The following KRIT1 variants were observed in gnomAD, a reference collection of about 807,000 sequenced individuals.
KRIT1 encodes the protein KRIT1 ankyrin repeat containing.
In KRIT1, 45 loss-of-function variants were observed where a neutral mutation model predicts 95.8. The ratio of observed to expected loss-of-function variants is 0.47; its 90% CI spans 0.37 to 0.60. KRIT1 has a LOEUF of 0.60. Ranked by LOEUF, KRIT1 falls within the 20% of genes least tolerant of loss-of-function variation. KRIT1 has a pLI of 0.00. For missense variants in KRIT1, 788 were observed against 877.5 expected (o/e 0.90, Z 1.29); for synonymous variants, 282 against 278.8 (o/e 1.01, Z -0.11).
chr7:92,245,515 A>G (rs1446349651), intron 1 of KRIT1: 1 of 150,008 alleles, frequency 6.7e-6, no homozygotes, highest in African/African-American at 2.5e-5. Flanking sequence ...TTCCCGAAGG[A>G]CACCGAGAGG....
In KRIT1 at chr7:92,245,068, A is replaced by C. The variant is rs962656614; in HGVS notation, c.-317T>G. ...CTGTAAAGGCACATATGCACTCCAG[A>C]AGGGTAAGAAAATAATGAGGCTGAG... On this transcript the variant is annotated 5_prime_UTR_variant, in exon 2 of 19. Transcript: ENST00000394505. The C allele has an allele frequency of 6.6e-6, 1 of 152,130 alleles. No homozygotes were observed. The highest frequency in any genetic ancestry group is 1.5e-5 in the Non-Finnish European group (1 of 68,022). 9.4% of individuals were successfully genotyped at this position (152,130 alleles called of 1,614,324 possible).
chr7:92,223,291 A>G (rs1795526684), intron 12 of KRIT1, among the ~76,000 whole-genome samples: 1 of 150,294 alleles, frequency 6.7e-6, no homozygotes, highest in Non-Finnish European at 1.5e-5. Context: ...AAAAAAAAAA[A>G]AAAATTAGCT....
chr7:92,232,893 T>C (rs1182052796), intron 10 of KRIT1, among the ~76,000 whole-genome samples: 4 of 152,100 alleles, frequency 2.6e-5, no homozygotes, highest in East Asian at 1.9e-4. Flanking sequence ...CGGGATTTCA[T>C]GGTGTTAGCC....
Position 92,242,102 on chromosome 7 carries a change from C to T in KRIT1, c.34G>A (p.Val12Ile), listed in dbSNP as rs1015584962. Residue 12 changes from valine to isoleucine, a missense_variant, in exon 4 of 19, where the codon GTT becomes ATT. Transcript: ENST00000394505. ...GTATTCTTTGGACGAATAACAGCAA[C>T]ATATGCATCTTCTATGTTTTCTGGA... is the stretch of plus-strand genomic sequence containing the variant. The part of the protein sequence containing the change: ...GNPENIEDAY[V>I]AVIRPKNTAS... The T allele has an allele frequency of 1.2e-6, 2 of 1,603,160 alleles. No individual in the cohort carries two copies. Among genetic ancestry groups the T allele is most frequent in the Non-Finnish European group, 1.7e-6 (2 of 1,170,478 alleles).
chr7:92,227,648 T>A (rs986921004), intron 10 of KRIT1, among the ~76,000 whole-genome samples: 1 of 151,702 alleles, frequency 6.6e-6, no homozygotes, highest in Non-Finnish European at 1.5e-5. Context: ...GATTCTCGTG[T>A]CTCAGCCTCC....
chr7:92,220,097 C>T (rs1156447813), intron 14 of KRIT1, among the ~76,000 whole-genome samples: 5 of 152,146 alleles, frequency 3.3e-5, no homozygotes, highest in African/African-American at 9.7e-5. Flanking sequence ...ATCCTAATTT[C>T]GTACCTTATC....
At chr7:92,239,002 T>C (rs750281329) in intron 5 of KRIT1, among the ~76,000 whole-genome samples, 10 of 152,244 alleles carry the variant, frequency 6.6e-5, no homozygotes, top group Non-Finnish European at 1.2e-4. Flanking sequence ...TCATGTGATG[T>C]TTATATAAGG....
In KRIT1 at chr7:92,234,924, C is replaced by T. The variant is rs1554527922; in HGVS notation, c.730-1G>A. The T allele has an allele frequency of 7.3e-7, 1 of 1,362,908 alleles. No individual in the cohort carries two copies. The highest frequency in any genetic ancestry group is 1.1e-6 in the Non-Finnish European group (1 of 951,118). 84.4% of individuals were successfully genotyped at this position (1,362,908 alleles called of 1,614,324 possible). ...ATGGATTTATTACCACTTTATCTAC[C>T]TAGAAAGGGAAAACAATAACAAAAA... is the stretch of plus-strand genomic sequence containing the variant. On this transcript the variant is annotated splice_acceptor_variant, in intron 8 of 18. Transcript: ENST00000394505. LOFTEE classifies it high-confidence loss of function.
At chr7:92,217,072 A>C (rs1794147962) in intron 14 of KRIT1, among the ~76,000 whole-genome samples, 1 of 152,206 alleles carries the variant, frequency 6.6e-6, no homozygotes, top group Admixed American at 6.5e-5. Context: ...ATAAGAACTT[A>C]CTAAGCCTTG....
In KRIT1 at chr7:92,241,082, A is replaced by G. The variant is rs1259089506; in HGVS notation, c.173T>C (p.Leu58Pro). ...KRKKVLLETKLQGNSEITQGI... is the reference protein window; with the variant it reads ...KRKKVLLETKPQGNSEITQGI... ...TTGTGTTATTTCACTGTTGCCTTGA[A>G]GTTTCGTTTCCAATAAAACTTTCTT... Residue 58 changes from leucine to proline, a missense_variant, in exon 5 of 19, where the codon CTT becomes CCT. By Grantham distance (98) the Leu-to-Pro change is moderately conservative. Coordinates refer to ENST00000394505, the MANE Select transcript of KRIT1 (RefSeq NM_194454.3). The G allele has an allele frequency of 1.2e-6, 2 of 1,611,584 alleles. No individual in the cohort carries two copies. Among genetic ancestry groups the G allele is most frequent in the East Asian group, 2.2e-5 (1 of 44,846 alleles).
intron 17 of KRIT1, among the ~76,000 whole-genome samples, chr7:92,208,333 G>T (rs1218820535): frequency 6.7e-6 from 1 of 150,220 alleles, no homozygotes; most frequent in Non-Finnish European, 1.5e-5. Context: ...TTAGCAGAAG[G>T]AAAGAAATAA....
chr7:92,238,270 G>A (rs1228610161), intron 5 of KRIT1, among the ~76,000 whole-genome samples: 1 of 151,980 alleles, frequency 6.6e-6, no homozygotes, highest in East Asian at 1.9e-4. Context: ...TCCTGAATTG[G>A]CAGTAAGTTA....
At chr7:92,219,620 A>G (rs1306256353) in intron 14 of KRIT1, among the ~76,000 whole-genome samples, 1 of 152,192 alleles carries the variant, frequency 6.6e-6, no homozygotes, top group African/African-American at 2.4e-5. Flanking sequence ...TGGCTATTTG[A>G]GTCCCCTTGC....
At position 92,213,327 on chromosome 7, in the gene KRIT1, T is replaced by A; in HGVS notation, c.1893A>T (p.Glu631Asp). The change falls in exon 17 of 19, where the codon GAA (glutamate) becomes GAT (aspartate). Residue 631 changes from glutamate (E) to aspartate (D), a missense_variant. Around this residue, in one of 3 missense-constraint regions of KRIT1, gnomAD observed 493 missense variants for 582.3 expected, o/e 0.85. Coordinates refer to ENST00000394505, the MANE Select transcript of KRIT1 (RefSeq NM_194454.3). ...LQRMFLQNCW[E>D]IPTYGAAFFT... Reference sequence around the variant, plus strand: ...AAAATGCTGCTCCATAAGTAGGAATTTCCCAGCAATTCTGTAAGAACATGC... The same window carrying A: ...AAAATGCTGCTCCATAAGTAGGAATATCCCAGCAATTCTGTAAGAACATGC... 1 of 1,613,644 alleles carries A rather than the reference T, an allele frequency of 6.2e-7. No individual in the cohort carries two copies. Among genetic ancestry groups the A allele is most frequent in the East Asian group, 2.2e-5 (1 of 44,840 alleles).
Position 92,235,606 on chromosome 7 carries a change from C to A in KRIT1, c.526G>T (p.Ala176Ser). Reference protein sequence around the residue: ...ERHAQSHFIPALFRPSPLERI... With the variant: ...ERHAQSHFIPSLFRPSPLERI... The stretch of plus-strand genomic sequence containing the variant: ...TCAAGAGGAGAAGGTCGGAATAAAG[C>A]TGGAATAAAGTGAGATTGTGCATGA... The change falls in exon 8 of 19, where the codon GCT becomes TCT. Residue 176 changes from alanine to serine, a missense_variant. Ala to Ser is a moderately conservative substitution (Grantham distance 99). Around this residue, in one of 3 missense-constraint regions of KRIT1, gnomAD observed 289 missense variants for 277.5 expected, o/e 1.04. Coordinates refer to ENST00000394505, the MANE Select transcript of KRIT1 (RefSeq NM_194454.3). 1.2e-6 allele frequency: 2 copies of A among 1,613,732 alleles called. No homozygotes were observed. Among genetic ancestry groups the A allele is most frequent in the Non-Finnish European group, 1.7e-6 (2 of 1,179,878 alleles).
intron 17 of KRIT1, among the ~76,000 whole-genome samples, chr7:92,211,410 T>C (rs4727268): frequency 0.57 from 86,224 of 152,094 alleles, 25,714 homozygotes; most frequent in African/African-American, 0.77. Context: ...TAAGTGAAAT[T>C]AGCCAGGCAC....
At chr7:92,227,886 C>A in intron 10 of KRIT1, among the ~76,000 whole-genome samples, 1 of 152,016 alleles carries the variant, frequency 6.6e-6, no homozygotes, top group East Asian at 2.0e-4. Context: ...GTGGCAGACA[C>A]CTGTAATCCC....
At position 92,235,511 on chromosome 7, in the gene KRIT1, A is replaced by G. The variant is rs1418279096; in HGVS notation, c.621T>C (p.His207=). ...TTATTTCTAGTGCACTATAGCCCAT[A>G]TGTAGTGAGTTTTCTGTCTGACCTG... ...TESGQTENSL[H]MGYSALEIKS... is the part of the protein sequence containing the mutation. Residue 207 remains histidine (H), a synonymous_variant, in exon 8 of 19, where the codon CAT becomes CAC. Transcript: ENST00000394505. The G allele has an allele frequency of 6.2e-7, 1 of 1,613,844 alleles. No homozygotes were observed. The highest frequency in any genetic ancestry group is 8.5e-7 in the Non-Finnish European group (1 of 1,179,782).
intron 3 of KRIT1, among the ~76,000 whole-genome samples, chr7:92,243,559 T>TAGGG (rs397704854): frequency 3.6e-5 from 2 of 55,750 alleles, no homozygotes; most frequent in African/African-American, 1.6e-4. Context: ...TGAGAGGCGA[T>TAGGG]AGAGTAATTT....
Sources: allele counts gnomAD v4.1 joint callset (sites outside exome capture counted in the v4.1 genomes callset), GRCh38; gene constraint gnomAD v4.1.1; regional missense constraint gnomAD v4.1.1; transcripts MANE v1.5; gene names NCBI Gene and HGNC (gene_info 2026-07-23, HGNC 2026-07-21).